The following DICER1 variants were observed in gnomAD, a reference collection of about 807,000 sequenced individuals.
DICER1 encodes endoribonuclease Dicer.
Under a neutral mutation model 194.1 loss-of-function variants are expected in DICER1, and 43 were observed. The observed-to-expected ratio is 0.22, with a 90% CI of 0.17 to 0.29. The LOEUF (loss-of-function observed/expected upper bound fraction) is 0.29, where lower values mean the gene tolerates loss of function less well. DICER1 is among the 10% of genes least tolerant of loss of function. The pLI is 1.00. For missense variants in DICER1, 1,608 were observed against 2,317.0 expected, an observed-to-expected ratio of 0.69 and a Z score of 6.28; for synonymous variants, 832 against 820.5, an observed-to-expected ratio of 1.01 and a Z score of -0.24.
chr14:95,132,597 T>A lies in DICER1; in HGVS notation c.225A>T (p.Val75=). The stretch of plus-strand genomic sequence containing the variant: ...GATAGGACAGCTCTTTAGTGAGTAG[T>A]ACTGCAATAAATGTCTTCCCTGAGC... ...NTGSGKTFIA[V]LLTKELSYQI... Residue 75 remains valine (V), a synonymous_variant, in exon 3 of 27, where the codon GTA becomes GTT. Coordinates refer to ENST00000343455, the MANE Select transcript of DICER1 (RefSeq NM_177438.3). 6.2e-7 allele frequency: 1 copy of A among 1,613,718 alleles called. No individual in the cohort carries two copies. The highest frequency in any genetic ancestry group is 8.5e-7 in the Non-Finnish European group (1 of 1,179,644).
chr14:95,103,172 A>G (rs1329285769), intron 21 of DICER1, among the ~76,000 whole-genome samples, 174 bp downstream of exon 21: 1 of 152,220 alleles, frequency 6.6e-6, no homozygotes, highest in Non-Finnish European at 1.5e-5. Flanking sequence ...ACTGCCAGGT[A>G]GTTCTGCCAC....
chr14:95,123,661 C>T (rs1893134715), intron 8 of DICER1, among the ~76,000 whole-genome samples: 1 of 152,172 alleles, frequency 6.6e-6, no homozygotes, highest in Non-Finnish European at 1.5e-5. Flanking sequence ...CTGCCTCTGG[C>T]TCCCAAAGTG....
chr14:95,150,794 G>A (rs73331567), intron 1 of DICER1, among the ~76,000 whole-genome samples: 10,799 of 152,252 alleles, frequency 0.071, 1,307 homozygotes, highest in African/African-American at 0.25. Context: ...AAGATCACCA[G>A]TATTAGGACA....
At chr14:95,118,566 C>A (rs969611910) in intron 8 of DICER1, among the ~76,000 whole-genome samples, 4 of 152,146 alleles carry the variant, frequency 2.6e-5, no homozygotes, top group African/African-American at 9.7e-5. Flanking sequence ...AGCTGGCCTT[C>A]TAGCTAAGAA....
chr14:95,103,310 T>A, intron 21 of DICER1, 36 bp downstream of exon 21: 1 of 1,602,966 alleles, frequency 6.2e-7, no homozygotes, highest in Non-Finnish European at 8.5e-7. Flanking sequence ...GCACACTGAA[T>A]AATTAACTGC....
chr14:95,116,453 C>G lies in DICER1; in HGVS notation c.1752G>C (p.Lys584Asn), dbSNP rs1595410309. Reference protein sequence around the residue: ...EDLKTYKAIEKILRNKCSKSV... With the variant: ...EDLKTYKAIENILRNKCSKSV... ...GCACATGTTAATATGTTGATCTTAC[C>G]TTTTCAATAGCTTTGTAGGTTTTAA... The change falls in exon 10 of 27, where the codon AAG (lysine) becomes AAC (asparagine). Residue 584 changes from lysine to asparagine, a missense_variant and splice_region_variant. Around this residue, in one of 10 missense-constraint regions of DICER1, gnomAD observed 657 missense variants for 910.1 expected, o/e 0.72. Transcript: ENST00000343455. 6.2e-7 allele frequency: 1 copy of G among 1,610,818 alleles called. No homozygotes were observed. Among genetic ancestry groups the G allele is most frequent in the Non-Finnish European group, 8.5e-7 (1 of 1,179,826 alleles).
chr14:95,108,024 A>C lies in DICER1; in HGVS notation c.2506T>G (p.Phe836Val), dbSNP rs1566777017. The C allele has an allele frequency of 6.2e-6, 10 of 1,613,898 alleles. No homozygotes were observed. The highest frequency in any genetic ancestry group is 7.6e-6 in the Non-Finnish European group (9 of 1,179,756). The change falls in exon 16 of 27, where the codon TTC (phenylalanine) becomes GTC (valine). Residue 836 changes from phenylalanine to valine, a missense_variant. Phe to Val is a conservative substitution (Grantham distance 50, BLOSUM62 -1). Transcript: ENST00000343455. ...TCAAGCATTTGTAGAGACAACATGA[A>C]ACCAGACTTCTTCAACTCAATGGAT... ...TISIELKKSG[F>V]MLSLQMLELI...
chr14:95,137,420 A>C (rs1212956598), intron 1 of DICER1, among the ~76,000 whole-genome samples: 3 of 142,006 alleles, frequency 2.1e-5, no homozygotes, highest in Non-Finnish European at 4.6e-5. Flanking sequence ...AAAAAGGGGA[A>C]GGGAATAAGA....
At position 95,116,722 on chromosome 14, in the gene DICER1, G is replaced by T. The variant is rs372576232; in HGVS notation, c.1510-27C>A. 2.1e-5 allele frequency: 33 copies of T among 1,606,286 alleles called. No individual in the cohort carries two copies. In the Admixed American group the frequency reaches 4.4e-4, roughly 21 times the overall value. ...TGAAAAAAAAAATCCACCAAGAAAA[G>T]CACTTCTAAGAAAATTTCTAAAATG... On this transcript the variant is annotated intron_variant, in intron 9 of 26. Transcript: ENST00000343455.
rs1890260374 is a variant in DICER1, at chr14:95,095,859, A to G, written c.5061T>C (p.Phe1687=). 1.9e-6 allele frequency: 3 copies of G among 1,614,206 alleles called. No individual in the cohort carries two copies. Among genetic ancestry groups the G allele is most frequent in the Non-Finnish European group, 2.5e-6 (3 of 1,180,014 alleles). The change falls in exon 23 of 27, where the codon TTT becomes TTC. Residue 1687 remains phenylalanine (F), a synonymous_variant. Transcript: ENST00000343455. ...TATTGTAGTGGTAGGAGGCATGTGT[A>G]AAAGCCTGGAGAAGGTAAGCCTTAT... ...FKNKAYLLQA[F]THASYHYNTI... is the part of the protein sequence containing the mutation.
intron 1 of DICER1, among the ~76,000 whole-genome samples, chr14:95,155,474 A>G (rs1895789126): frequency 2.0e-5 from 3 of 152,242 alleles, no homozygotes; most frequent in Admixed American, 2.0e-4. Flanking sequence ...TCACTGTCAA[A>G]TAAGAATCAT....
intron 1 of DICER1, among the ~76,000 whole-genome samples, chr14:95,152,940 G>T (rs903741668): frequency 5.3e-5 from 8 of 151,848 alleles, no homozygotes; most frequent in Non-Finnish European, 8.8e-5. Flanking sequence ...GAGAGGGCTG[G>T]GCACGGTGGC....
chr14:95,101,332 A>G (rs1254696046), intron 21 of DICER1, among the ~76,000 whole-genome samples: 1 of 152,174 alleles, frequency 6.6e-6, no homozygotes. Flanking sequence ...AAGGTTTCTG[A>G]GCAGACAAAT....
chr14:95,117,163 A>G (rs997682120), intron 9 of DICER1, among the ~76,000 whole-genome samples: 3 of 152,192 alleles, frequency 2.0e-5, no homozygotes, highest in Non-Finnish European at 4.4e-5. Flanking sequence ...TACAAGGCAC[A>G]AAAATATTTA....
intron 10 of DICER1, 96 bp from the exon 11 acceptor site, chr14:95,115,917 A>C (rs372605373): frequency 8.3e-5 from 102 of 1,231,634 alleles, no homozygotes; most frequent in Middle Eastern, 2.1e-4. Flanking sequence ...TCCTGAAAAT[A>C]TCTCTCTCTC....
intron 8 of DICER1, among the ~76,000 whole-genome samples, chr14:95,119,065 A>C (rs2140150636): frequency 6.6e-6 from 1 of 152,360 alleles, no homozygotes; most frequent in South Asian, 2.1e-4. Flanking sequence ...AACAAATAAC[A>C]TGTCCAAAAG....
In DICER1 at chr14:95,113,109, G is replaced by C. The variant is rs1201056619; in HGVS notation, c.2023C>G (p.Leu675Val). 6.2e-7 allele frequency: 1 copy of C among 1,613,728 alleles called. No homozygotes were observed. Among genetic ancestry groups the C allele is most frequent in the Non-Finnish European group, 8.5e-7 (1 of 1,179,776 alleles). Reference sequence around the variant, plus strand: ...AAACTTACAACAATGGAGGCTCGAAGAGGTGAGTTAATTGGCAGATAAAGA... The same window carrying C: ...AAACTTACAACAATGGAGGCTCGAACAGGTGAGTTAATTGGCAGATAAAGA... ...STLYLPINSP[L>V]RASIVGPPMS... The change falls in exon 12 of 27, where the codon CTT becomes GTT. Residue 675 changes from leucine (L) to valine (V), a missense_variant. Leu to Val is a conservative substitution (Grantham distance 32). Transcript: ENST00000343455.
chr14:95,120,018 G>A (rs1892804545), intron 8 of DICER1, among the ~76,000 whole-genome samples: 1 of 152,132 alleles, frequency 6.6e-6, no homozygotes, highest in Non-Finnish European at 1.5e-5. Flanking sequence ...AATATGTATG[G>A]TAGGTTCAGA....
In DICER1 at chr14:95,105,535, A is replaced by AAAACG; in HGVS notation, c.3093+142_3093+143insCGTTT. ...CACATAATACTAATTAAAACAAAACAAAACAAAATTTGAGGATTAGGTAAC... is the reference window on the plus strand; with the variant it reads ...CACATAATACTAATTAAAACAAAACAAAACGAAACAAAATTTGAGGATTAGGTAAC... On this transcript the variant is annotated intron_variant, in intron 19 of 26. Transcript: ENST00000343455. This position sits in a 1 kb window ranked among gnomAD's most constrained non-coding sequence, Gnocchi z 4.9. 2.6e-6 allele frequency: 2 copies of AAAACG among 766,588 alleles called. No individual in the cohort carries two copies. The highest frequency in any genetic ancestry group is 4.4e-6 in the Non-Finnish European group (2 of 454,040). The allele number at this position is 766,588 out of a possible 1,614,324, so 47.5% of individuals were successfully genotyped here.
Sources: gnomAD v4.1 joint callset for allele counts (sites outside exome capture counted in the v4.1 genomes callset) on GRCh38, gnomAD v4.1.1 for gene constraint, gnomAD v4.1.1 regional missense constraint, Gnocchi (gnomAD v3.1) non-coding constraint, MANE v1.5 for transcripts, NCBI Gene and HGNC (gene_info 2026-07-23, HGNC 2026-07-21) for gene names.